The following MGAT4C variants were observed in gnomAD, a reference collection of about 807,000 sequenced individuals.
The protein encoded by MGAT4C is MGAT4 family member C, also known as alpha-1,3-mannosyl-glycoprotein 4-beta-N-acetylglucosaminyltransferase C.
Under a neutral mutation model 40.1 loss-of-function variants are expected in MGAT4C, and 19 were observed. The ratio of observed to expected loss-of-function variants is 0.47; its 90% CI spans 0.33 to 0.70. The LOEUF (loss-of-function observed/expected upper bound fraction) is 0.70, where lower values mean the gene tolerates loss of function less well. Ranked by LOEUF, MGAT4C falls within the 30% of genes least tolerant of loss-of-function variation. MGAT4C has a pLI of 0.02. For synonymous variants in MGAT4C, 181 were observed against 187.1 expected, an observed-to-expected ratio of 0.97 and a Z score of 0.27; for missense variants, 491 against 563.2, an observed-to-expected ratio of 0.87 and a Z score of 1.30.
At chr12:86,112,318 C>G (rs893007504) in intron 1 of MGAT4C, among the ~76,000 whole-genome samples, 4 of 151,558 alleles carry the variant, frequency 2.6e-5, no homozygotes, top group South Asian at 2.1e-4. Flanking sequence ...ACTTCCCCCC[C>G]ACCCTTTTTT....
chr12:86,176,591 AT>A (rs1351767501), intron 1 of MGAT4C, among the ~76,000 whole-genome samples: 1 of 152,048 alleles, frequency 6.6e-6, no homozygotes, highest in Admixed American at 6.6e-5. Context: ...GTACATGTCA[AT>A]CACTGGAAGG....
intron 2 of MGAT4C, among the ~76,000 whole-genome samples, chr12:86,717,927 G>T: frequency 6.6e-6 from 1 of 152,072 alleles, no homozygotes; most frequent in East Asian, 1.9e-4. Context: ...TTCTCTTCCA[G>T]GTTTCTTTTT....
At chr12:86,673,297 G>C (rs991077882) in intron 2 of MGAT4C, among the ~76,000 whole-genome samples, 1 of 152,130 alleles carries the variant, frequency 6.6e-6, no homozygotes, top group Non-Finnish European at 1.5e-5. Context: ...GTAACTTTGA[G>C]TTAAGCTATG....
intron 3 of MGAT4C, among the ~76,000 whole-genome samples, chr12:86,365,682 GT>G (rs568722124): frequency 0.066 from 8,935 of 135,676 alleles, 297 homozygotes; most frequent in South Asian, 0.1. Flanking sequence ...TTTCCCCACT[GT>G]TTTTTTTTTT....
chr12:86,059,346 C>CATGTCTTCTTA (rs1893715455), intron 1 of MGAT4C, among the ~76,000 whole-genome samples: 1 of 152,174 alleles, frequency 6.6e-6, no homozygotes, highest in African/African-American at 2.4e-5. Flanking sequence ...CCAGCCTTAA[C>CATGTCTTCTTA]ATGTCTTCTT....
chr12:86,696,456 T>C (rs980179434), intron 2 of MGAT4C, among the ~76,000 whole-genome samples: 2 of 152,270 alleles, frequency 1.3e-5, no homozygotes, highest in East Asian at 3.9e-4. Context: ...AGAACAGTCA[T>C]CTCAAGCACA....
chr12:86,567,015 G>C (rs576727486), intron 2 of MGAT4C, among the ~76,000 whole-genome samples: 3 of 152,028 alleles, frequency 2.0e-5, no homozygotes, highest in Non-Finnish European at 4.4e-5. Context: ...GAAGCAGCTG[G>C]ATTAATACAA....
At chr12:86,745,471 T>C in intron 1 of MGAT4C, among the ~76,000 whole-genome samples, 1 of 151,698 alleles carries the variant, frequency 6.6e-6, no homozygotes. Context: ...CTTCTTATTC[T>C]GGAGTCCAAC....
chr12:86,564,181 T>C (rs1261619130), intron 2 of MGAT4C, among the ~76,000 whole-genome samples: 1 of 152,168 alleles, frequency 6.6e-6, no homozygotes, highest in Non-Finnish European at 1.5e-5. Context: ...TGACAGTGGA[T>C]TATAGTAAGC....
intron 1 of MGAT4C, among the ~76,000 whole-genome samples, chr12:86,202,994 T>C (rs1165110369): frequency 6.7e-6 from 1 of 149,086 alleles, no homozygotes; most frequent in Admixed American, 6.8e-5. Flanking sequence ...CTTTTGCTGC[T>C]AAGTATATGT....
chr12:86,446,079 A>G (rs1957329496), intron 2 of MGAT4C, among the ~76,000 whole-genome samples: 1 of 152,144 alleles, frequency 6.6e-6, no homozygotes, highest in Admixed American at 6.5e-5. Flanking sequence ...GTGTCTGTAT[A>G]TATATATGCA....
intron 3 of MGAT4C, among the ~76,000 whole-genome samples, chr12:86,353,475 C>A (rs1352612180): frequency 6.6e-6 from 1 of 152,194 alleles, no homozygotes; most frequent in Non-Finnish European, 1.5e-5. Context: ...GCAGCAGACA[C>A]AGTCACCAAA....
At chr12:86,757,019 T>C (rs1007987934) in intron 1 of MGAT4C, among the ~76,000 whole-genome samples, 1 of 152,182 alleles carries the variant, frequency 6.6e-6, no homozygotes, top group African/African-American at 2.4e-5. Context: ...TTTAAAATTC[T>C]ATATAAATTA....
At chr12:86,023,935 G>A (rs529636071) in intron 2 of MGAT4C, among the ~76,000 whole-genome samples, 1 of 151,490 alleles carries the variant, frequency 6.6e-6, no homozygotes, top group Admixed American at 6.6e-5. Context: ...AGCATAATAT[G>A]TATCAAAAAA....
intron 2 of MGAT4C, among the ~76,000 whole-genome samples, chr12:86,725,752 C>A (rs991957843): frequency 1.3e-5 from 2 of 151,688 alleles, no homozygotes; most frequent in Non-Finnish European, 1.5e-5. Context: ...CGTGAGCCAC[C>A]GCGCCCGGCC....
At chr12:86,733,171 A>G (rs1323302454) in intron 1 of MGAT4C, among the ~76,000 whole-genome samples, 1 of 152,152 alleles carries the variant, frequency 6.6e-6, no homozygotes, top group Non-Finnish European at 1.5e-5. Flanking sequence ...GGATCTAAGA[A>G]GACTCTTTTC....
At chr12:86,404,381 G>C (rs2136239002) in intron 3 of MGAT4C, among the ~76,000 whole-genome samples, 1 of 152,220 alleles carries the variant, frequency 6.6e-6, no homozygotes, top group East Asian at 1.9e-4. Context: ...AAGGAAAAAG[G>C]GTCTTTGCAT....
At position 86,739,133 on chromosome 12, in the gene MGAT4C, C is replaced by CAAA. The variant is rs59869666; in HGVS notation, c.-261-11895_-261-11893dup. Among the ~76,000 whole-genome samples, 244 of 39,800 alleles carry CAAA rather than the reference C, an allele frequency of 6.1e-3. 27 individuals are homozygous for CAAA. The highest frequency in any genetic ancestry group is 6.1e-3 in the Non-Finnish European group (147 of 23,932). The allele number at this position is 39,800 out of a possible 152,430, so 26.1% of individuals were successfully genotyped here. On this transcript the variant is annotated intron_variant, in intron 1 of 7. Transcript: ENST00000548651. The stretch of plus-strand genomic sequence containing the variant: ...TTTAATTCAGCTATGTTTCCCTGTG[C>CAAA]AAAAAAAAAAAAAAAAAAAAAAAAA...
chr12:86,489,173 C>T (rs1958081172), intron 2 of MGAT4C, among the ~76,000 whole-genome samples: 1 of 152,170 alleles, frequency 6.6e-6, no homozygotes, highest in Non-Finnish European at 1.5e-5. Context: ...AGCGACTTAA[C>T]TTCAGAGACA....
Sources: allele counts gnomAD v4.1 joint callset (sites outside exome capture counted in the v4.1 genomes callset), GRCh38; gene constraint gnomAD v4.1.1; transcripts MANE v1.5; gene names NCBI Gene and HGNC (gene_info 2026-07-23, HGNC 2026-07-21).